GABRA1: variants seen among roughly 807,000 people sequenced by gnomAD.
The protein encoded by GABRA1 is gamma-aminobutyric acid receptor subunit alpha-1.
A neutral mutation model predicts 48.9 loss-of-function variants in GABRA1; 9 were observed. That is an observed-to-expected ratio of 0.18 (90% CI 0.11 to 0.32). The LOEUF (loss-of-function observed/expected upper bound fraction) is 0.32, where lower values mean the gene tolerates loss of function less well. GABRA1 is among the 10% of genes least tolerant of loss of function. The probability of loss-of-function intolerance (pLI) is 1.00; values close to 1 mark genes in which losing one functional copy is unlikely to be tolerated. For missense variants in GABRA1, 285 were observed against 553.8 expected, an observed-to-expected ratio of 0.51 and a Z score of 4.87; for synonymous variants, 210 against 198.7, an observed-to-expected ratio of 1.06 and a Z score of -0.48.
chr5:161,865,135 C>A (rs987975942), intron 3 of GABRA1, among the ~76,000 whole-genome samples: 1 of 151,998 alleles, frequency 6.6e-6, no homozygotes, highest in Non-Finnish European at 1.5e-5. Flanking sequence ...ATTAAGTGAA[C>A]TTTTTCTGTG....
intron 8 of GABRA1, among the ~76,000 whole-genome samples, chr5:161,891,259 T>A (rs1203604896): frequency 1.3e-5 from 2 of 152,214 alleles, no homozygotes; most frequent in Admixed American, 1.3e-4. Context: ...TGTGAATAGA[T>A]GGCATTAATG....
intron 6 of GABRA1, among the ~76,000 whole-genome samples, chr5:161,881,330 T>C (rs1754604162): frequency 6.6e-6 from 1 of 152,152 alleles, no homozygotes; most frequent in South Asian, 2.1e-4. Context: ...GAAGTGGGTG[T>C]TATAGGACTA....
At chr5:161,847,282 A>G (rs1344680136), upstream of GABRA1, 1 of 152,134 alleles carries the variant, frequency 6.6e-6, no homozygotes, top group Non-Finnish European at 1.5e-5. Flanking sequence ...CATTTTCCTA[A>G]TCCGAGAATG....
At chr5:161,866,737 G>A (rs1753875982) in intron 4 of GABRA1, among the ~76,000 whole-genome samples, 1 of 152,006 alleles carries the variant, frequency 6.6e-6, no homozygotes, top group South Asian at 2.1e-4. Flanking sequence ...TTTGTCATTT[G>A]ACCCCTGTTT....
rs2279020 is a variant in GABRA1, at chr5:161,895,883, G to A, written c.1059+15G>A. The A allele has an allele frequency of 0.65, 1,034,144 of 1,601,462 alleles. 336,405 individuals are homozygous for A. Among genetic ancestry groups the A allele is most frequent in the Admixed American group, 0.71 (42,690 of 59,994 alleles). ...TTCCAGAAAAGGTAAATGCTTTAAT[G>A]GTCACTGTAGTACATCAATATTATG... On this transcript the variant is annotated intron_variant, in intron 9 of 9. Coordinates refer to ENST00000393943, the MANE Select transcript of GABRA1 (RefSeq NM_001127644.2).
At chr5:161,855,947 T>A (rs920187202) in intron 3 of GABRA1, among the ~76,000 whole-genome samples, 1 of 151,398 alleles carries the variant, frequency 6.6e-6, no homozygotes, top group African/African-American at 2.4e-5. Context: ...TTGTGCATCA[T>A]CTTCAATTTA....
intron 3 of GABRA1, among the ~76,000 whole-genome samples, chr5:161,858,527 G>A (rs1402060629): frequency 6.6e-6 from 1 of 151,674 alleles, no homozygotes; most frequent in Non-Finnish European, 1.5e-5. Context: ...AATCCCAGGT[G>A]AGCCACACTG....
At chr5:161,875,413 A>T (rs1754304098) in intron 5 of GABRA1, 147 bp from the exon 6 acceptor site, 1 of 688,528 alleles carries the variant, frequency 1.5e-6, no homozygotes, top group East Asian at 2.7e-5. Flanking sequence ...GTATTTTTAG[A>T]TCATTTGATT....
chr5:161,864,984 A>C (rs1475244264), intron 3 of GABRA1, among the ~76,000 whole-genome samples: 1 of 151,910 alleles, frequency 6.6e-6, no homozygotes, highest in East Asian at 1.9e-4. Flanking sequence ...TTGTTTTTCT[A>C]TTTCTTGGAG....
chr5:161,882,379 A>G, intron 6 of GABRA1, 179 bp from the exon 7 acceptor site: 1 of 109,436 alleles, frequency 9.1e-6, no homozygotes, highest in Non-Finnish European at 1.4e-5. Flanking sequence ...TAAATGACTA[A>G]AAAAAAAAAA....
At chr5:161,852,878 T>G (rs548056823) in intron 2 of GABRA1, among the ~76,000 whole-genome samples, 1 of 152,062 alleles carries the variant, frequency 6.6e-6, no homozygotes, top group East Asian at 1.9e-4. Context: ...TGTTTGTTTT[T>G]GAAATGATTT....
At chr5:161,857,581 G>T (rs146401642) in intron 3 of GABRA1, among the ~76,000 whole-genome samples, 202 of 151,548 alleles carry the variant, frequency 1.3e-3, no homozygotes, top group African/African-American at 4.6e-3. Context: ...CTAATAAAGA[G>T]GTATCTCCAG....
At position 161,865,734 on chromosome 5, in the gene GABRA1, A is replaced by G. The variant is rs766903604; in HGVS notation, c.201A>G (p.Glu67=). The G allele has an allele frequency of 6.2e-7, 1 of 1,613,022 alleles. No homozygotes were observed. The highest frequency in any genetic ancestry group is 1.7e-5 in the Admixed American group (1 of 59,968). Residue 67 remains glutamate, a synonymous_variant, in exon 4 of 10, where the codon GAA becomes GAG. Transcript: ENST00000393943. ...LRPGLGERVT[E]VKTDIFVTSF... ...CTGCTTCAACAGAGCGTGTAACCGA[A>G]GTGAAGACTGATATCTTCGTCACCA...
intron 2 of GABRA1, among the ~76,000 whole-genome samples, chr5:161,852,909 C>T (rs1341651709): frequency 1.3e-5 from 2 of 151,952 alleles, no homozygotes; most frequent in African/African-American, 4.8e-5. Context: ...TATCTTGCTG[C>T]TGTCAAATAA....
intron 8 of GABRA1, among the ~76,000 whole-genome samples, chr5:161,891,674 A>G (rs910976189): frequency 2.6e-5 from 4 of 152,184 alleles, no homozygotes; most frequent in African/African-American, 9.6e-5. Flanking sequence ...TTCCTCATGT[A>G]TTATTTTAGA....
rs138401187 is a variant in GABRA1, at chr5:161,868,610, T to G, written c.255+2822T>G. On this transcript the variant is annotated intron_variant, in intron 4 of 9. Transcript: ENST00000393943. ...ATACTCATCTTACTACTTATAATAATGTAAAATTTGCTTAATGGCCATTCT... is the reference window on the plus strand; with the variant it reads ...ATACTCATCTTACTACTTATAATAAGGTAAAATTTGCTTAATGGCCATTCT... 1.1e-4 allele frequency among the ~76,000 whole-genome samples: 17 copies of G among 151,804 alleles called. No individual in the cohort carries two copies. The East Asian group carries it at 3.3e-3, about 29-fold the overall frequency.
intron 2 of GABRA1, among the ~76,000 whole-genome samples, chr5:161,851,269 T>C (rs1013664228): frequency 2.0e-5 from 3 of 152,200 alleles, no homozygotes; most frequent in African/African-American, 7.2e-5. Context: ...GTAAAGATCA[T>C]AGAGTAACTT....
At chr5:161,870,567 A>C (rs1274113462) in intron 4 of GABRA1, among the ~76,000 whole-genome samples, 1 of 148,828 alleles carries the variant, frequency 6.7e-6, no homozygotes, top group East Asian at 2.0e-4. Flanking sequence ...AAACTCCTTC[A>C]GAAAAAAAAA....
chr5:161,888,689 T>C (rs12659619), intron 7 of GABRA1, among the ~76,000 whole-genome samples: 1 of 151,878 alleles, frequency 6.6e-6, no homozygotes, highest in East Asian at 1.9e-4. Context: ...CATGGGTATG[T>C]CCACATGAGA....
Sources: allele counts gnomAD v4.1 joint callset (sites outside exome capture counted in the v4.1 genomes callset), GRCh38; gene constraint gnomAD v4.1.1; transcripts MANE v1.5; gene names NCBI Gene and HGNC (gene_info 2026-07-23, HGNC 2026-07-21).